The following CADPS2 variants were observed in gnomAD, a reference collection of about 807,000 sequenced individuals.
The protein encoded by CADPS2 is calcium dependent secretion activator 2.
In CADPS2, 93 loss-of-function variants were observed where a neutral mutation model predicts 172.5. The observed-to-expected ratio is 0.54, with a 90% confidence interval of 0.46 to 0.64. The LOEUF (loss-of-function observed/expected upper bound fraction) is 0.64. CADPS2 is among the 30% of genes least tolerant of loss of function. The pLI, the probability that CADPS2 is intolerant of heterozygous loss-of-function variation, is 0.00. For synonymous variants in CADPS2, 546 were observed against 555.2 expected, an observed-to-expected ratio of 0.98 and a Z score of 0.23; for missense variants, 1,420 against 1,565.9, an observed-to-expected ratio of 0.91 and a Z score of 1.57.
At chr7:122,493,145 CAT>C (rs1278479529) in intron 9 of CADPS2, among the ~76,000 whole-genome samples, 2 of 152,174 alleles carry the variant, frequency 1.3e-5, no homozygotes, top group East Asian at 3.9e-4. Context: ...GCATGCAAAA[CAT>C]ATATTCAATC....
chr7:122,480,297 A>AT (rs11446267), intron 12 of CADPS2, among the ~76,000 whole-genome samples: 55,053 of 150,654 alleles, frequency 0.37, 10,147 homozygotes, highest in Admixed American at 0.41. Flanking sequence ...AGATTTTATA[A>AT]TTTTTTTTTT....
chr7:122,783,530 A>G (rs900862179), intron 1 of CADPS2, among the ~76,000 whole-genome samples: 5 of 152,144 alleles, frequency 3.3e-5, no homozygotes, highest in African/African-American at 1.2e-4. Flanking sequence ...CTGGTGATGG[A>G]TGAATAATGT....
At chr7:122,458,006 T>C (rs1468430831) in intron 14 of CADPS2, among the ~76,000 whole-genome samples, 1 of 152,204 alleles carries the variant, frequency 6.6e-6, no homozygotes, top group East Asian at 1.9e-4. Context: ...TGGTGGTTTG[T>C]TGTAAAAGAT....
At chr7:122,715,428 C>G (rs2089452393) in intron 2 of CADPS2, among the ~76,000 whole-genome samples, 1 of 152,052 alleles carries the variant, frequency 6.6e-6, no homozygotes, top group African/African-American at 2.4e-5. Context: ...ACACATGAAT[C>G]CATGATTGGC....
At chr7:122,504,741 A>C (rs2059482660) in intron 9 of CADPS2, among the ~76,000 whole-genome samples, 1 of 152,032 alleles carries the variant, frequency 6.6e-6, no homozygotes, top group Non-Finnish European at 1.5e-5. Context: ...TAATTAAAAA[A>C]TAATACAGAC....
chr7:122,835,022 G>A (rs886577244), intron 1 of CADPS2, among the ~76,000 whole-genome samples: 3 of 152,170 alleles, frequency 2.0e-5, no homozygotes, highest in East Asian at 3.9e-4. Flanking sequence ...AGCCTAATGG[G>A]GAGGCACCCC....
intron 6 of CADPS2, among the ~76,000 whole-genome samples, chr7:122,606,055 C>A (rs1040454029): frequency 2.6e-5 from 4 of 152,150 alleles, no homozygotes; most frequent in Non-Finnish European, 5.9e-5. Context: ...TGTATAAATT[C>A]TTTGCCAACT....
intron 14 of CADPS2, among the ~76,000 whole-genome samples, chr7:122,464,153 A>C (rs1241171705): frequency 2.6e-5 from 4 of 152,220 alleles, no homozygotes; most frequent in African/African-American, 4.8e-5. Context: ...AGAGTAGGGA[A>C]AATAAAAGAT....
At chr7:122,402,101 G>T (rs1418585620) in intron 20 of CADPS2, among the ~76,000 whole-genome samples, 1 of 151,978 alleles carries the variant, frequency 6.6e-6, no homozygotes, top group Admixed American at 6.6e-5. Flanking sequence ...AATTAGTTCA[G>T]TCTCTAGAAG....
intron 6 of CADPS2, among the ~76,000 whole-genome samples, chr7:122,610,531 T>A (rs892816442): frequency 6.6e-6 from 1 of 151,744 alleles, no homozygotes; most frequent in African/African-American, 2.4e-5. Context: ...AATAGATGAG[T>A]GGTTTCCTGG....
In CADPS2 at chr7:122,830,404, A is replaced by G. The variant is rs528672448; in HGVS notation, c.339+55595T>C. ...TCTTATTCTGACACTGCTAAAAAAAAAAAATCAAAGGATGCAAATCTCACT... is the reference window on the plus strand; with the variant it reads ...TCTTATTCTGACACTGCTAAAAAAAGAAAATCAAAGGATGCAAATCTCACT... On this transcript the variant is annotated intron_variant, in intron 1 of 29. Coordinates refer to ENST00000449022, the MANE Select transcript of CADPS2 (RefSeq NM_017954.11). Among the ~76,000 whole-genome samples the G allele has an allele frequency of 2.0e-3, 304 of 152,308 alleles. 1 individual carries two copies. The highest frequency in any genetic ancestry group is 2.8e-3 in the Non-Finnish European group (193 of 68,032).
chr7:122,346,249 C>T (rs561192457), intron 27 of CADPS2, among the ~76,000 whole-genome samples: 2 of 152,072 alleles, frequency 1.3e-5, no homozygotes, highest in African/African-American at 2.4e-5. Flanking sequence ...GAGCCTGTAG[C>T]CCCAGCTAGC....
At chr7:122,611,484 G>T (rs994824509) in intron 6 of CADPS2, among the ~76,000 whole-genome samples, 2 of 151,700 alleles carry the variant, frequency 1.3e-5, no homozygotes, top group East Asian at 3.9e-4. Flanking sequence ...ACTTTTAATG[G>T]CAAAAAACAC....
chr7:122,453,594 A>G (rs2053401935), intron 14 of CADPS2, among the ~76,000 whole-genome samples: 3 of 152,328 alleles, frequency 2.0e-5, no homozygotes, highest in Non-Finnish European at 2.9e-5. Flanking sequence ...AAATTGATAA[A>G]AAGAGCAAAT....
intron 3 of CADPS2, among the ~76,000 whole-genome samples, chr7:122,647,233 TCTAA>T (rs557774982): frequency 2.3e-3 from 355 of 152,088 alleles, no homozygotes; most frequent in Non-Finnish European, 3.1e-3. Context: ...TTCCAGTGGA[TCTAA>T]CTAAGAGCAA....
intron 3 of CADPS2, among the ~76,000 whole-genome samples, chr7:122,657,889 G>C (rs1238900233): frequency 6.6e-6 from 1 of 152,122 alleles, no homozygotes; most frequent in African/African-American, 2.4e-5. Flanking sequence ...TCTTGTGCCA[G>C]TTTTCAAAGG....
intron 1 of CADPS2, among the ~76,000 whole-genome samples, chr7:122,787,578 T>C (rs1794339735): frequency 6.6e-6 from 1 of 152,198 alleles, no homozygotes; most frequent in Non-Finnish European, 1.5e-5. Context: ...ATGATTTGCT[T>C]CCATATCCAT....
intron 1 of CADPS2, among the ~76,000 whole-genome samples, chr7:122,851,810 C>T (rs1335281725): frequency 6.6e-6 from 1 of 152,158 alleles, no homozygotes; most frequent in African/African-American, 2.4e-5. Context: ...CAATTACCTC[C>T]CACTAGATCC....
chr7:122,823,909 A>T (rs1300677082), intron 1 of CADPS2, among the ~76,000 whole-genome samples: 1 of 152,078 alleles, frequency 6.6e-6, no homozygotes, highest in Non-Finnish European at 1.5e-5. Flanking sequence ...GTTTTTTTAA[A>T]AAAAAGCTCA....
Sources: gnomAD v4.1 joint callset for allele counts (sites outside exome capture counted in the v4.1 genomes callset) on GRCh38, gnomAD v4.1.1 for gene constraint, MANE v1.5 for transcripts, NCBI Gene and HGNC (gene_info 2026-07-23, HGNC 2026-07-21) for gene names.